KRT25: variants seen among roughly 807,000 people sequenced by gnomAD.
KRT25 encodes keratin 25.
A neutral mutation model predicts 47.6 loss-of-function variants in KRT25; 37 were observed. That is an observed-to-expected ratio of 0.78 (90% CI 0.60 to 1.02). The LOEUF (loss-of-function observed/expected upper bound fraction) is 1.02, where lower values mean the gene tolerates loss of function less well. Ranked by LOEUF, KRT25 falls within the 50% of genes least tolerant of loss-of-function variation. KRT25 has a pLI of 0.00. For missense variants in KRT25, 542 were observed against 550.3 expected (o/e 0.98, Z 0.15); for synonymous variants, 203 against 210.2 (o/e 0.97, Z 0.30).
Position 40,755,057 on chromosome 17 carries a change from C to G in KRT25, c.215G>C (p.Arg72Pro), listed in dbSNP as rs763818307. 39 of 1,614,158 alleles carry G rather than the reference C, an allele frequency of 2.4e-5. No individual in the cohort carries two copies. The highest frequency in any genetic ancestry group is 1.6e-4 in the Middle Eastern group (1 of 6,062). ...NPCAGFTVNE[R>P]GLLSGNEKVT... ...CTTCTCATTGCCAGAAAGGAGCCCC[C>G]GCTCATTCACAGTGAAGCCAGCACA... The change falls in exon 1 of 8, where the codon CGG becomes CCG. Residue 72 changes from arginine (R) to proline (P), a missense_variant. Coordinates refer to ENST00000312150, the MANE Select transcript of KRT25 (RefSeq NM_181534.4).
At chr17:40,751,841 GATAA>G (rs1412720952) in intron 3 of KRT25, among the ~76,000 whole-genome samples, 15 of 149,628 alleles carry the variant, frequency 1.0e-4, no homozygotes, top group Non-Finnish European at 1.5e-4. Context: ...TTGAAATGAT[GATAA>G]ATAAATAAAT....
In KRT25 at chr17:40,748,272, T is replaced by A; in HGVS notation, c.*5A>T. 1 of 1,596,552 alleles carries A rather than the reference T, an allele frequency of 6.3e-7. No homozygotes were observed. The highest frequency in any genetic ancestry group is 1.3e-5 in the African/African-American group (1 of 74,516). On this transcript the variant is annotated 3_prime_UTR_variant, in exon 8 of 8. Coordinates refer to ENST00000312150, the MANE Select transcript of KRT25 (RefSeq NM_181534.4). ...TGTGGCATACGTTCTCTGTTGCATC[T>A]CAAATTAATTGCTTTGAGATTTCTC...
At chr17:40,754,525 C>T (rs1359618712) in intron 1 of KRT25, 57 bp from the exon 2 acceptor site, 5 of 1,413,268 alleles carry the variant, frequency 3.5e-6, no homozygotes, top group Non-Finnish European at 5.0e-6. Flanking sequence ...CTACTTAATG[C>T]TTATTTCTAA....
chr17:40,754,229 C>T (rs952040724), intron 2 of KRT25, among the ~76,000 whole-genome samples, 157 bp downstream of exon 2: 3 of 152,230 alleles, frequency 2.0e-5, no homozygotes, highest in African/African-American at 7.2e-5. Context: ...AATAGCAGTT[C>T]ATGCTTTGTA....
In KRT25 at chr17:40,751,046, C is replaced by A; in HGVS notation, c.865G>T (p.Val289Phe). 1.2e-6 allele frequency: 2 copies of A among 1,614,196 alleles called. No homozygotes were observed. Among genetic ancestry groups the A allele is most frequent in the Non-Finnish European group, 1.7e-6 (2 of 1,180,046 alleles). Residue 289 changes from valine to phenylalanine, a missense_variant, in exon 5 of 8, where the codon GTC (valine) becomes TTC (phenylalanine). Physicochemically the swap from Val to Phe is conservative, Grantham distance 50. Coordinates refer to ENST00000312150, the MANE Select transcript of KRT25 (RefSeq NM_181534.4). ...TTCCGGGCTGAGGTTGTGGCTCCGA[C>A]ATCCTCAGAGATCTGCTGCTGCAGG... ...ASLQQQISED[V>F]GATTSARNEL...
chr17:40,753,130 G>A (rs1462954121), intron 3 of KRT25, among the ~76,000 whole-genome samples: 3 of 152,144 alleles, frequency 2.0e-5, no homozygotes, highest in Admixed American at 2.0e-4. Flanking sequence ...TGAAGTAAAT[G>A]TTTTAGTGTT....
Position 40,750,608 on chromosome 17 carries a change from G to A in KRT25, c.958-11C>T, listed in dbSNP as rs1404718957. 1.9e-6 allele frequency: 3 copies of A among 1,613,500 alleles called. No homozygotes were observed. The highest frequency in any genetic ancestry group is 2.5e-6 in the Non-Finnish European group (3 of 1,179,560). ...CTCCAGGGAGTGTTTCTGTCAGGAA[G>A]CAATAAAGAGAACTTGAAATGGATA... On this transcript the variant is annotated splice_polypyrimidine_tract_variant and intron_variant, in intron 5 of 7. Transcript: ENST00000312150.
chr17:40,751,316 A>G lies in KRT25; in HGVS notation c.680T>C (p.Val227Ala). Residue 227 changes from valine to alanine, a missense_variant, in exon 4 of 8, where the codon GTT becomes GCT. Transcript: ENST00000312150. ...GTTGCCTCCAGCTGCGCACTGCAGA[A>G]CTTGCATTTCCTAGAGGCAGAAAAG... The part of the protein sequence containing the change: ...LKKNHKEEMQ[V>A]LQCAAGGNVN... 6.2e-7 allele frequency: 1 copy of G among 1,610,414 alleles called. No individual in the cohort carries two copies. The highest frequency in any genetic ancestry group is 8.5e-7 in the Non-Finnish European group (1 of 1,178,510).
chr17:40,748,394 T>C lies in KRT25; in HGVS notation c.1244-8A>G. The C allele has an allele frequency of 1.3e-6, 2 of 1,537,306 alleles. No homozygotes were observed. Among genetic ancestry groups the C allele is most frequent in the Non-Finnish European group, 1.8e-6 (2 of 1,128,110 alleles). On this transcript the variant is annotated splice_polypyrimidine_tract_variant and splice_region_variant and intron_variant, in intron 7 of 7. Transcript: ENST00000312150. ...CTATGGCTTTGGCTGGGTCTGAGCATTAAAAATTAAAAGGAGATTTTATGT... is the reference window on the plus strand; with the variant it reads ...CTATGGCTTTGGCTGGGTCTGAGCACTAAAAATTAAAAGGAGATTTTATGT...
intron 7 of KRT25, 84 bp downstream of exon 7, chr17:40,749,173 CA>C (rs1310622331): frequency 7.8e-6 from 8 of 1,021,184 alleles, no homozygotes; most frequent in Non-Finnish European, 1.2e-5. Context: ...ACCTATGTAA[CA>C]AACCTTCCAA....
chr17:40,750,352 C>A (rs113556292), intron 6 of KRT25, 28 bp downstream of exon 6: 1 of 1,607,564 alleles, frequency 6.2e-7, no homozygotes. Context: ...CAGTATATTA[C>A]GCCATCTATG....
At chr17:40,751,468 T>A (rs2038047200) in intron 3 of KRT25, 142 bp from the exon 4 acceptor site, 1 of 853,668 alleles carries the variant, frequency 1.2e-6, no homozygotes, top group Admixed American at 3.0e-5. Context: ...CATTTGATAC[T>A]TCCTGTCCCG....
chr17:40,753,282 C>T (rs78321900), intron 3 of KRT25, among the ~76,000 whole-genome samples: 1,930 of 151,874 alleles, frequency 0.013, 38 homozygotes, highest in African/African-American at 0.045. Context: ...TATAATTACA[C>T]AGCCAAACAC....
In KRT25 at chr17:40,751,050, CTCAG is replaced by C. The variant is rs2038041665; in HGVS notation, c.857_860del (p.Ser286TrpfsTer13). 1.2e-6 allele frequency: 2 copies of C among 1,614,158 alleles called. No homozygotes were observed. Among genetic ancestry groups the C allele is most frequent in the Non-Finnish European group, 1.7e-6 (2 of 1,180,042 alleles). On this transcript the variant is annotated frameshift_variant, in exon 5 of 8. Coordinates refer to ENST00000312150, the MANE Select transcript of KRT25 (RefSeq NM_181534.4). LOFTEE classifies it high-confidence loss of function. ...GGGCTGAGGTTGTGGCTCCGACATC[CTCAG>C]AGATCTGCTGCTGCAGGGAGGCGCT...
chr17:40,755,387 GAA>G, upstream of KRT25: 1 of 948,818 alleles, frequency 1.1e-6, no homozygotes, highest in Non-Finnish European at 1.5e-6. Flanking sequence ...TGTTCTGAAT[GAA>G]ATTCTGCCTA....
In KRT25 at chr17:40,748,314, C is replaced by G; in HGVS notation, c.1316G>C (p.Arg439Thr). ...AGATTTCTCTTCCAGGGAGTGGAGCCTGGTGGTAAGTATTTTGCTGCGTTG... is the reference window on the plus strand; with the variant it reads ...AGATTTCTCTTCCAGGGAGTGGAGCGTGGTGGTAAGTATTTTGCTGCGTTG... ...VDQRSKILTT[R>T]LHSLEEKSQS... The change falls in exon 8 of 8, where the codon AGG (arginine) becomes ACG (threonine). Residue 439 changes from arginine (R) to threonine (T), a missense_variant. Coordinates refer to ENST00000312150, the MANE Select transcript of KRT25 (RefSeq NM_181534.4). The G allele has an allele frequency of 6.2e-7, 1 of 1,612,590 alleles. No individual in the cohort carries two copies. Among genetic ancestry groups the G allele is most frequent in the Non-Finnish European group, 8.5e-7 (1 of 1,179,344 alleles).
chr17:40,751,883 CGTGTGTGTGT>C (rs71152701), intron 3 of KRT25, among the ~76,000 whole-genome samples: 27 of 149,010 alleles, frequency 1.8e-4, no homozygotes, highest in East Asian at 9.9e-4. Flanking sequence ...TGTGTGCGTG[CGTGTGTGTGT>C]GTGTGTGTGT....
At chr17:40,749,454 G>A (rs2038026552) in intron 6 of KRT25, 129 bp from the exon 7 acceptor site, 1 of 724,426 alleles carries the variant, frequency 1.4e-6, no homozygotes, top group Non-Finnish European at 2.4e-6. Flanking sequence ...AGTGTTTGCT[G>A]ATTTCTGTAG....
chr17:40,749,244 T>C lies in KRT25; in HGVS notation c.1243+14A>G. ...AAAAAATTAGCATTGCACAACAGAT[T>C]TCATTTTAATTACCTTTGACTTGAC... On this transcript the variant is annotated intron_variant, in intron 7 of 7. Coordinates refer to ENST00000312150, the MANE Select transcript of KRT25 (RefSeq NM_181534.4). 1 of 1,597,460 alleles carries C rather than the reference T, an allele frequency of 6.3e-7. No individual in the cohort carries two copies. Among genetic ancestry groups the C allele is most frequent in the Non-Finnish European group, 8.6e-7 (1 of 1,165,036 alleles).
Sources: allele counts gnomAD v4.1 joint callset (sites outside exome capture counted in the v4.1 genomes callset), GRCh38; gene constraint gnomAD v4.1.1; transcripts MANE v1.5; gene names NCBI Gene and HGNC (gene_info 2026-07-23, HGNC 2026-07-21).